The following FNDC3B variants were observed in gnomAD, a reference collection of about 807,000 sequenced individuals.
FNDC3B encodes the protein fibronectin type III domain containing 3B, also known as fibronectin type III domain-containing protein 3B.
FNDC3B carries 12 observed loss-of-function variants against 151.5 expected under a neutral mutation model. That is an observed-to-expected ratio of 0.08 (90% CI 0.05 to 0.13). The LOEUF (loss-of-function observed/expected upper bound fraction) is 0.13. Ranked by LOEUF, FNDC3B falls within the 10% of genes least tolerant of loss-of-function variation. FNDC3B has a pLI of 1.00. For synonymous variants in FNDC3B, 528 were observed against 549.0 expected, an observed-to-expected ratio of 0.96 and a Z score of 0.54; for missense variants, 1,214 against 1,505.3, an observed-to-expected ratio of 0.81 and a Z score of 3.20.
In FNDC3B at chr3:172,381,036, T is replaced by C; in HGVS notation, c.3246T>C (p.Gly1082=). 1.2e-6 allele frequency: 2 copies of C among 1,613,902 alleles called. No homozygotes were observed. Among genetic ancestry groups the C allele is most frequent in the Non-Finnish European group, 8.5e-7 (1 of 1,179,794 alleles). The change falls in exon 25 of 26, where the codon GGT becomes GGC. Residue 1082 remains glycine, a synonymous_variant. Coordinates refer to ENST00000415807, the MANE Select transcript of FNDC3B (RefSeq NM_022763.4). ...GGGAGACGGTACCATCAATGAAAGGTGACCCTGTTAACTACATTCTGCAGG... is the reference window on the plus strand; with the variant it reads ...GGGAGACGGTACCATCAATGAAAGGCGACCCTGTTAACTACATTCTGCAGG... The part of the protein sequence containing the change: ...ILWETVPSMK[G]DPVNYILQVL...
rs751844800 is a variant in FNDC3B at position 172,251,410 on chromosome 3, C to T, written c.659C>T (p.Thr220Ile). 6.2e-7 allele frequency: 1 copy of T among 1,614,052 alleles called. No individual in the cohort carries two copies. The highest frequency in any genetic ancestry group is 8.5e-7 in the Non-Finnish European group (1 of 1,180,008). Residue 220 changes from threonine to isoleucine, a missense_variant, in exon 6 of 26, where the codon ACA (threonine) becomes ATA (isoleucine). By Grantham distance (89) the Thr-to-Ile change is moderately conservative. This residue lies in a region of FNDC3B where 166 missense variants were observed against 173.2 expected (regional missense o/e 0.96). Coordinates refer to ENST00000415807, the MANE Select transcript of FNDC3B (RefSeq NM_022763.4). ...TCTATCTACAAAAGCAGCTGCACAACAGTATACAATGGCTATGGGAAGGGC... is the reference window on the plus strand; with the variant it reads ...TCTATCTACAAAAGCAGCTGCACAATAGTATACAATGGCTATGGGAAGGGC... The part of the protein sequence containing the change: ...PSSIYKSSCT[T>I]VYNGYGKGHS...
At chr3:172,222,606 C>T (rs1726334062) in intron 3 of FNDC3B, among the ~76,000 whole-genome samples, 1 of 152,134 alleles carries the variant, frequency 6.6e-6, no homozygotes, top group Non-Finnish European at 1.5e-5. Flanking sequence ...GATCATCAGG[C>T]ATTAGTTAGA....
Position 172,381,003 on chromosome 3 carries a change from A to G in FNDC3B, c.3213A>G (p.Glu1071=). 1 of 1,613,802 alleles carries G rather than the reference A, an allele frequency of 6.2e-7. No individual in the cohort carries two copies. The highest frequency in any genetic ancestry group is 8.5e-7 in the Non-Finnish European group (1 of 1,179,732). ...RVTQLEGNSC[E]ILWETVPSMK... ...CACAGTTAGAAGGAAATTCATGTGA[A>G]ATTTTATGGGAGACGGTACCATCAA... The change falls in exon 25 of 26, where the codon GAA becomes GAG. Residue 1071 remains glutamate (E), a synonymous_variant. Transcript: ENST00000415807.
At chr3:172,094,087 G>A (rs1283200063) in intron 1 of FNDC3B, among the ~76,000 whole-genome samples, 2 of 98,242 alleles carry the variant, frequency 2.0e-5, no homozygotes, top group Non-Finnish European at 4.1e-5. Flanking sequence ...ACCACCACTA[G>A]CAAATTCTAG....
intron 3 of FNDC3B, among the ~76,000 whole-genome samples, chr3:172,201,739 G>A (rs1027059506): frequency 1.3e-5 from 2 of 152,186 alleles, no homozygotes; most frequent in Non-Finnish European, 2.9e-5. Context: ...GTGGATATCA[G>A]AATAGCCTTC....
intron 3 of FNDC3B, among the ~76,000 whole-genome samples, chr3:172,135,255 A>ATGTG (rs144768382): frequency 4.7e-5 from 7 of 150,256 alleles, no homozygotes; most frequent in South Asian, 2.1e-4. Context: ...GAGTGTGTGT[A>ATGTG]TGTGTGTGTG....
chr3:172,247,502 C>T (rs764141955), intron 4 of FNDC3B, 31 bp from the exon 5 acceptor site: 2 of 1,608,530 alleles, frequency 1.2e-6, no homozygotes, highest in East Asian at 2.2e-5. Flanking sequence ...CTAATATGTA[C>T]TGCGTTCTTT....
intron 3 of FNDC3B, among the ~76,000 whole-genome samples, chr3:172,197,589 G>C (rs1376156717): frequency 1.3e-5 from 2 of 152,216 alleles, no homozygotes; most frequent in African/African-American, 4.8e-5. Flanking sequence ...AATTATATGT[G>C]TCCTTTAGTT....
In FNDC3B at chr3:172,174,407, C is replaced by T. The variant is rs370965999; in HGVS notation, c.187+40861C>T. 1.3e-3 allele frequency among the ~76,000 whole-genome samples: 191 copies of T among 152,254 alleles called. 1 individual carries two copies. Among genetic ancestry groups the T allele is most frequent in the African/African-American group, 4.5e-3 (186 of 41,534 alleles). ...CTGACATACACACTATTATTTTTAG[C>T]CTGAACAACATGAAAACCATCTATT... is the stretch of plus-strand genomic sequence containing the variant. On this transcript the variant is annotated intron_variant, in intron 3 of 25. Transcript: ENST00000415807.
At chr3:172,062,027 A>G (rs1370199927) in intron 1 of FNDC3B, among the ~76,000 whole-genome samples, 2 of 152,198 alleles carry the variant, frequency 1.3e-5, no homozygotes, top group African/African-American at 4.8e-5. Context: ...AAAAGAAGTT[A>G]CGTGAGGTAA....
intron 3 of FNDC3B, chr3:172,186,860 G>C: frequency 1.6e-6 from 1 of 614,568 alleles, no homozygotes; most frequent in Non-Finnish European, 2.9e-6. Context: ...TGTCTGAAGT[G>C]GATTAAGTGG....
At chr3:172,054,283 C>T (rs903057596) in intron 1 of FNDC3B, among the ~76,000 whole-genome samples, 2 of 152,198 alleles carry the variant, frequency 1.3e-5, no homozygotes, top group Non-Finnish European at 2.9e-5. Flanking sequence ...GCAGCTCCTG[C>T]AGTTAATTAA....
intron 1 of FNDC3B, among the ~76,000 whole-genome samples, chr3:172,100,864 A>G (rs1219336739): frequency 1.3e-5 from 2 of 152,226 alleles, no homozygotes; most frequent in African/African-American, 4.8e-5. Context: ...CAGTGTTCTT[A>G]CTGATTTCCA....
At chr3:172,071,784 A>T (rs1717790913) in intron 1 of FNDC3B, among the ~76,000 whole-genome samples, 1 of 152,208 alleles carries the variant, frequency 6.6e-6, no homozygotes, top group Non-Finnish European at 1.5e-5. Flanking sequence ...TGTAGGGCTT[A>T]GTAATAATGA....
chr3:172,275,724 C>A (rs1389167025), intron 6 of FNDC3B, among the ~76,000 whole-genome samples: 1 of 152,210 alleles, frequency 6.6e-6, no homozygotes, highest in Admixed American at 6.5e-5. Context: ...CCAATCTTAA[C>A]TTTTCATTTT....
At chr3:172,157,957 C>T (rs553197945) in intron 3 of FNDC3B, among the ~76,000 whole-genome samples, 1 of 152,184 alleles carries the variant, frequency 6.6e-6, no homozygotes, top group African/African-American at 2.4e-5. Flanking sequence ...AGGACTCAGC[C>T]CTTATTAATG....
At chr3:172,379,607 A>G (rs1173510148) in intron 24 of FNDC3B, among the ~76,000 whole-genome samples, 2 of 151,884 alleles carry the variant, frequency 1.3e-5, no homozygotes, top group African/African-American at 2.4e-5. Flanking sequence ...GTGCATACAC[A>G]TGCACGGCCT....
intron 2 of FNDC3B, among the ~76,000 whole-genome samples, chr3:172,125,476 G>A (rs1720768735): frequency 6.6e-6 from 1 of 152,164 alleles, no homozygotes; most frequent in Admixed American, 6.5e-5. Context: ...GTAGTAGGTA[G>A]AGATAGTAGA....
At chr3:172,342,353 C>T (rs1279631303) in intron 17 of FNDC3B, among the ~76,000 whole-genome samples, 1 of 152,210 alleles carries the variant, frequency 6.6e-6, no homozygotes, top group African/African-American at 2.4e-5. Flanking sequence ...CAAGGTGGCA[C>T]TGAGGCTGAA....
Sources: gnomAD v4.1 joint callset for allele counts (sites outside exome capture counted in the v4.1 genomes callset) on GRCh38, gnomAD v4.1.1 for gene constraint, gnomAD v4.1.1 regional missense constraint, MANE v1.5 for transcripts, NCBI Gene and HGNC (gene_info 2026-07-23, HGNC 2026-07-21) for gene names.